Variants in ARL5B observed in about 807,000 individuals in gnomAD.
ARL5B encodes the protein ADP-ribosylation factor-like protein 5B.
In ARL5B, 10 loss-of-function variants were observed where a neutral mutation model predicts 26.9. The ratio of observed to expected loss-of-function variants is 0.37; its 90% confidence interval spans 0.23 to 0.63. The LOEUF (loss-of-function observed/expected upper bound fraction) is 0.63. ARL5B is among the 30% of genes least tolerant of loss of function. The pLI is 0.62. For missense variants in ARL5B, 167 were observed against 213.9 expected (o/e 0.78, Z 1.37); for synonymous variants, 87 against 70.4 (o/e 1.24, Z -1.18).
rs1281579389 is a variant in ARL5B, at chr10:18,677,095, T to G, written c.*1879T>G. 6.6e-6 allele frequency: 1 copy of G among 152,066 alleles called. No individual in the cohort carries two copies. Among genetic ancestry groups the G allele is most frequent in the Non-Finnish European group, 1.5e-5 (1 of 67,792 alleles). 9.4% of individuals were successfully genotyped at this position (152,066 alleles called of 1,614,324 possible). A position where few individuals can be genotyped will look rare whatever the true frequency, so the allele number is the denominator to read the frequency against. On this transcript the variant is annotated 3_prime_UTR_variant, in exon 6 of 6. Coordinates refer to ENST00000377275, the MANE Select transcript of ARL5B (RefSeq NM_178815.5). ...TACCTAAGCACAGTTTGCCTGAATTTCTGCTTGGTTGTGTTGTTTACCGTA... is the reference window on the plus strand; with the variant it reads ...TACCTAAGCACAGTTTGCCTGAATTGCTGCTTGGTTGTGTTGTTTACCGTA...
chr10:18,673,481 T>C (rs1025496109), intron 4 of ARL5B, among the ~76,000 whole-genome samples: 2 of 152,236 alleles, frequency 1.3e-5, no homozygotes, highest in African/African-American at 2.4e-5. Context: ...TAATATGTAC[T>C]GCTTTCGTTC....
intron 5 of ARL5B, 38 bp downstream of exon 5, chr10:18,674,173 C>G (rs370021707): frequency 6.4e-7 from 1 of 1,558,524 alleles, no homozygotes; most frequent in Admixed American, 2.0e-5. Flanking sequence ...TGACTTCTTT[C>G]AAATTTCTTC....
chr10:18,669,910 C>G (rs910529728), intron 3 of ARL5B, among the ~76,000 whole-genome samples: 2 of 149,250 alleles, frequency 1.3e-5, no homozygotes, highest in African/African-American at 4.9e-5. Context: ...AGGAGAATCG[C>G]TTGAACCCAG....
chr10:18,668,564 A>G lies in ARL5B; in HGVS notation c.142A>G (p.Ile48Val), dbSNP rs767134490. 2 of 1,613,988 alleles carry G rather than the reference A, an allele frequency of 1.2e-6. No individual in the cohort carries two copies. The highest frequency in any genetic ancestry group is 2.2e-5 in the East Asian group (1 of 44,886). Residue 48 changes from isoleucine (I) to valine (V), a missense_variant, in exon 3 of 6, where the codon ATA (isoleucine) becomes GTA (valine). Coordinates refer to ENST00000377275, the MANE Select transcript of ARL5B (RefSeq NM_178815.5). ...TGAAGTGGTTCATACTTCTCCAACC[A>G]TAGGAAGCAATGTTGAAGAAATAGT... ...MNEVVHTSPT[I>V]GSNVEEIVVK... is the part of the protein sequence containing the mutation.
In ARL5B at chr10:18,675,257, A is replaced by C. The variant is rs367626401; in HGVS notation, c.*41A>C. On this transcript the variant is annotated 3_prime_UTR_variant, in exon 6 of 6. Transcript: ENST00000377275. ...GAGACTGCTCTATTTATTCTGTGAC[A>C]TGAACATTTTTTCCTAGTACCTTTG... 2 of 1,591,152 alleles carry C rather than the reference A, an allele frequency of 1.3e-6. No homozygotes were observed. The highest frequency in any genetic ancestry group is 1.3e-5 in the African/African-American group (1 of 74,410).
rs150993025 is a variant in ARL5B at position 18,667,320 on chromosome 10, C to A, written c.107+685C>A. Among the ~76,000 whole-genome samples the A allele has an allele frequency of 4.4e-3, 675 of 152,272 alleles. 20 individuals carry two copies. The highest frequency in any genetic ancestry group is 0.029 in the Admixed American group (440 of 15,306). On this transcript the variant is annotated intron_variant, in intron 2 of 5. Transcript: ENST00000377275. ...GCATTAGAAGACAGCCATCAGCTCA[C>A]CAGAAGTACTTCATTAGCCAGTGAT...
rs2059931974 is a variant in ARL5B, at chr10:18,681,517, G to T, written c.*6301G>T. ...CAAGTAAAACGATGCTGTTTGCTCT[G>T]GAATGTTCATCTTTTAGACAGGTTT... On this transcript the variant is annotated 3_prime_UTR_variant, in exon 6 of 6. Coordinates refer to ENST00000377275, the MANE Select transcript of ARL5B (RefSeq NM_178815.5). 6.6e-6 allele frequency: 1 copy of T among 152,046 alleles called. No homozygotes were observed. The highest frequency in any genetic ancestry group is 1.5e-5 in the Non-Finnish European group (1 of 68,018). 9.4% of individuals were successfully genotyped at this position (152,046 alleles called of 1,614,324 possible).
At position 18,675,217 on chromosome 10, in the gene ARL5B, C is replaced by G. The variant is rs768840498; in HGVS notation, c.*1C>G. On this transcript the variant is annotated 3_prime_UTR_variant, in exon 6 of 6. Coordinates refer to ENST00000377275, the MANE Select transcript of ARL5B (RefSeq NM_178815.5). The stretch of plus-strand genomic sequence containing the variant: ...GACCTCCCGGATTGGTGTGAGATAA[C>G]TTTTTTGCTTGAAAGAGACTGCTCT... 11 of 1,613,170 alleles carry G rather than the reference C, an allele frequency of 6.8e-6. No individual in the cohort carries two copies. Among genetic ancestry groups the G allele is most frequent in the Non-Finnish European group, 8.5e-6 (10 of 1,179,216 alleles).
intron 4 of ARL5B, among the ~76,000 whole-genome samples, chr10:18,673,085 C>T (rs111935670): frequency 5.3e-5 from 8 of 151,170 alleles, no homozygotes; most frequent in East Asian, 3.9e-4. Flanking sequence ...TTTTTTGAGA[C>T]GGAGTCTTGC....
chr10:18,668,644 A>G lies in ARL5B; in HGVS notation c.222A>G (p.Arg74=), dbSNP rs757615250. The G allele has an allele frequency of 2.5e-6, 4 of 1,614,054 alleles. No homozygotes were observed. In the African/African-American group the frequency reaches 5.3e-5, roughly 22 times the overall value. Residue 74 remains arginine (R), a synonymous_variant, in exon 3 of 6, where the codon CGA becomes CGG. Transcript: ENST00000377275. ...MWDIGGQESL[R]SSWNTYYSNT... ...ATATTGGTGGTCAGGAGTCTCTGCG[A>G]TCATCCTGGAACACATATTACTCAA...
Position 18,659,496 on chromosome 10 carries a change from G to C in ARL5B, c.-142G>C. On this transcript the variant is annotated 5_prime_UTR_variant, in exon 1 of 6. Coordinates refer to ENST00000377275, the MANE Select transcript of ARL5B (RefSeq NM_178815.5). The stretch of plus-strand genomic sequence containing the variant: ...GCGGCGCCTTCTGAGTGGTCGGGTC[G>C]AGGCTTCTCGGCCTAGCAGTGCCCT... 1 of 1,112,042 alleles carries C rather than the reference G, an allele frequency of 9.0e-7. No individual in the cohort carries two copies. Among genetic ancestry groups the C allele is most frequent in the South Asian group, 1.7e-5 (1 of 58,238 alleles). The allele number at this position is 1,112,042 out of a possible 1,614,324, so 68.9% of individuals were successfully genotyped here.
intron 4 of ARL5B, 103 bp downstream of exon 4, chr10:18,672,808 A>G (rs1346980210): frequency 4.6e-6 from 3 of 652,344 alleles, no homozygotes; most frequent in Middle Eastern, 6.4e-4. Context: ...TGGCTATTTT[A>G]TGATTAACAC....
intron 1 of ARL5B, among the ~76,000 whole-genome samples, chr10:18,660,129 ACTTTCACT>A (rs1168854479): frequency 2.0e-5 from 3 of 151,888 alleles, no homozygotes; most frequent in Non-Finnish European, 4.4e-5. Context: ...AAGCCAGTGC[ACTTTCACT>A]CTGATTTCGC....
At chr10:18,664,674 G>A (rs553904178) in intron 1 of ARL5B, among the ~76,000 whole-genome samples, 2 of 150,752 alleles carry the variant, frequency 1.3e-5, no homozygotes, top group East Asian at 2.0e-4. Flanking sequence ...TCCTGACCTC[G>A]TGATCCTCCC....
intron 3 of ARL5B, among the ~76,000 whole-genome samples, chr10:18,672,287 A>G (rs2059891555): frequency 6.6e-6 from 1 of 152,216 alleles, no homozygotes; most frequent in African/African-American, 2.4e-5. Context: ...ATATTATTGA[A>G]ATTAGTGTAA....
intron 1 of ARL5B, 130 bp downstream of exon 1, chr10:18,659,813 G>A: frequency 6.6e-7 from 1 of 1,507,892 alleles, no homozygotes; most frequent in Admixed American, 2.2e-5. Context: ...CAGGGGGCGG[G>A]CAGAAACTCA....
At chr10:18,673,337 G>A (rs1371193169) in intron 4 of ARL5B, among the ~76,000 whole-genome samples, 1 of 152,138 alleles carries the variant, frequency 6.6e-6, no homozygotes, top group East Asian at 1.9e-4. Flanking sequence ...TGGGATTACA[G>A]GTGTGAGCCA....
At chr10:18,660,289 C>T (rs760461369) in intron 1 of ARL5B, among the ~76,000 whole-genome samples, 11 of 151,916 alleles carry the variant, frequency 7.2e-5, no homozygotes, top group Non-Finnish European at 1.3e-4. Flanking sequence ...GTTACGTGTC[C>T]GTAATTAGTC....
intron 3 of ARL5B, among the ~76,000 whole-genome samples, chr10:18,669,994 C>CAAAA (rs1210060603): frequency 3.1e-5 from 2 of 65,124 alleles, no homozygotes; most frequent in Non-Finnish European, 3.3e-5. Flanking sequence ...ACTCTTATCT[C>CAAAA]AAAAAAAAAA....
Sources: allele counts gnomAD v4.1 joint callset (sites outside exome capture counted in the v4.1 genomes callset), GRCh38; gene constraint gnomAD v4.1.1; transcripts MANE v1.5; gene names NCBI Gene and HGNC (gene_info 2026-07-23, HGNC 2026-07-21).